NDST3: variants seen among roughly 807,000 people sequenced by gnomAD.
The protein encoded by NDST3 is N-deacetylase and N-sulfotransferase 3, also known as bifunctional heparan sulfate N-deacetylase/N-sulfotransferase 3.
Under a neutral mutation model 96.1 loss-of-function variants are expected in NDST3, and 58 were observed. The observed-to-expected ratio is 0.60, with a 90% confidence interval of 0.49 to 0.75. The LOEUF is 0.75. Among genes scored for constraint, NDST3 ranks in the 30% least tolerant of loss-of-function variants. The probability of loss-of-function intolerance (pLI) is 0.00; values close to 1 mark genes in which losing one functional copy is unlikely to be tolerated. For synonymous variants in NDST3, 333 were observed against 359.7 expected, an observed-to-expected ratio of 0.93 and a Z score of 0.84; for missense variants, 788 against 1,034.2, an observed-to-expected ratio of 0.76 and a Z score of 3.27.
chr4:118,147,792 A>G (rs1030195816), intron 6 of NDST3, among the ~76,000 whole-genome samples: 9 of 152,188 alleles, frequency 5.9e-5, no homozygotes, highest in African/African-American at 2.2e-4. Flanking sequence ...CATATGCACT[A>G]AACAAAAATG....
chr4:118,096,690 G>C (rs1413731131), intron 2 of NDST3, among the ~76,000 whole-genome samples: 1 of 151,438 alleles, frequency 6.6e-6, no homozygotes, highest in African/African-American at 2.4e-5. Flanking sequence ...TAGATAGATA[G>C]ATAGATAGAT....
intron 5 of NDST3, among the ~76,000 whole-genome samples, chr4:118,139,305 G>A (rs1181318022): frequency 1.3e-5 from 2 of 152,172 alleles, no homozygotes; most frequent in Non-Finnish European, 2.9e-5. Flanking sequence ...CATTTCTCCT[G>A]AAAACACATT....
At chr4:118,062,650 C>G (rs2389505) in intron 2 of NDST3, among the ~76,000 whole-genome samples, 129,718 of 152,050 alleles carry the variant, frequency 0.85, 56,877 homozygotes, top group South Asian at 0.96. Context: ...TTTAACATGG[C>G]GAAATCATAA....
At position 118,174,438 on chromosome 4, in the gene NDST3, G is replaced by A. The variant is rs574345126; in HGVS notation, c.1539+30754G>A. On this transcript the variant is annotated intron_variant, in intron 6 of 13. Transcript: ENST00000296499. ...GAAATCAGATCTGATGAACTATATGGAAGTAACACATTATTTTGTTCAAAA... is the reference window on the plus strand; with the variant it reads ...GAAATCAGATCTGATGAACTATATGAAAGTAACACATTATTTTGTTCAAAA... Among the ~76,000 whole-genome samples, 69 of 152,174 alleles carry A rather than the reference G, an allele frequency of 4.5e-4. 2 individuals are homozygous for A. The South Asian group carries it at 0.013, about 30-fold the overall frequency.
At chr4:118,164,883 G>A (rs1735441456) in intron 6 of NDST3, among the ~76,000 whole-genome samples, 1 of 151,980 alleles carries the variant, frequency 6.6e-6, no homozygotes, top group Non-Finnish European at 1.5e-5. Flanking sequence ...ACAACTATAA[G>A]ATGTTTTATG....
At chr4:118,231,972 G>A (rs1006942319) in intron 8 of NDST3, among the ~76,000 whole-genome samples, 2 of 151,888 alleles carry the variant, frequency 1.3e-5, no homozygotes, top group Non-Finnish European at 2.9e-5. Flanking sequence ...ATATATATAC[G>A]TACCTGTGAT....
At chr4:118,149,967 G>C (rs1415025631) in intron 6 of NDST3, among the ~76,000 whole-genome samples, 7 of 106,524 alleles carry the variant, frequency 6.6e-5, no homozygotes, top group African/African-American at 1.7e-4. Context: ...TAGCATGAAG[G>C]GTTGTTGAAT....
intron 8 of NDST3, among the ~76,000 whole-genome samples, chr4:118,231,315 A>T (rs954723394): frequency 2.0e-5 from 3 of 148,982 alleles, no homozygotes; most frequent in Admixed American, 1.4e-4. Context: ...CAGCCTGGGC[A>T]ACAGAGCAAG....
intron 6 of NDST3, among the ~76,000 whole-genome samples, chr4:118,221,107 A>C (rs1021028285): frequency 3.3e-5 from 5 of 151,966 alleles, no homozygotes; most frequent in African/African-American, 1.2e-4. Context: ...TGGTGATCAG[A>C]ATGTTTTAAA....
At chr4:118,231,185 A>C (rs529118094) in intron 8 of NDST3, among the ~76,000 whole-genome samples, 198 of 151,866 alleles carry the variant, frequency 1.3e-3, no homozygotes, top group African/African-American at 4.5e-3. Context: ...AAAATACAAA[A>C]ATTAGCTGGG....
At chr4:118,033,531 C>T (rs1723988256), upstream of NDST3, 2 of 151,828 alleles carry the variant, frequency 1.3e-5, no homozygotes, top group African/African-American at 2.4e-5. Context: ...CGGCTCCCGT[C>T]CTCAGCTCCC....
rs796075813 is a variant in NDST3, at chr4:118,240,743, T to C, written c.2289+49T>C. 2.6e-6 allele frequency: 4 copies of C among 1,522,442 alleles called. No individual in the cohort carries two copies. The African/African-American group carries it at 5.5e-5, about 21-fold the overall frequency. 94.3% of individuals were successfully genotyped at this position (1,522,442 alleles called of 1,614,324 possible). ...TCATGTTAGAATCTCATTAAGTTGATGACTTTGCCTTAAGGTTAAGAAAAT... is the reference window on the plus strand; with the variant it reads ...TCATGTTAGAATCTCATTAAGTTGACGACTTTGCCTTAAGGTTAAGAAAAT... On this transcript the variant is annotated intron_variant, in intron 11 of 13. Transcript: ENST00000296499.
intron 6 of NDST3, among the ~76,000 whole-genome samples, chr4:118,191,425 T>A (rs1434483247): frequency 6.6e-6 from 1 of 152,296 alleles, no homozygotes; most frequent in Admixed American, 6.5e-5. Flanking sequence ...TCCAGTTTGA[T>A]AGGTGGTGAT....
rs973443931 is a variant in NDST3, at chr4:118,205,017, T to A, written c.1540-19474T>A. 6.9e-5 allele frequency among the ~76,000 whole-genome samples: 10 copies of A among 144,748 alleles called. 1 individual carries two copies. Among genetic ancestry groups the A allele is most frequent in the Admixed American group, 2.7e-4 (4 of 14,652 alleles). The allele number at this position is 144,748 out of a possible 152,430, so 95.0% of individuals were successfully genotyped here. A position where few individuals can be genotyped will look rare whatever the true frequency, so the allele number is the denominator to read the frequency against. On this transcript the variant is annotated intron_variant, in intron 6 of 13. Coordinates refer to ENST00000296499, the MANE Select transcript of NDST3 (RefSeq NM_004784.3). ...AAGTTGCTTTTTACTTCATTTTATG[T>A]TAACTCTAAAAAACTGTTAATTGTG...
At chr4:118,073,579 G>C (rs1022241854) in intron 2 of NDST3, among the ~76,000 whole-genome samples, 2 of 151,862 alleles carry the variant, frequency 1.3e-5, no homozygotes, top group Non-Finnish European at 2.9e-5. Context: ...TCCACTTTGT[G>C]ATTTCTGATT....
intron 6 of NDST3, among the ~76,000 whole-genome samples, chr4:118,161,923 G>A (rs904125692): frequency 5.9e-5 from 9 of 152,216 alleles, no homozygotes; most frequent in East Asian, 1.9e-4. Context: ...AGATGAACCC[G>A]GTACCTCAGA....
At chr4:118,035,329 C>A (rs1724084962) in intron 1 of NDST3, among the ~76,000 whole-genome samples, 1 of 151,804 alleles carries the variant, frequency 6.6e-6, no homozygotes, top group Admixed American at 6.6e-5. Context: ...TAGAAGAAAA[C>A]CCTTCTAGAC....
intron 2 of NDST3, among the ~76,000 whole-genome samples, chr4:118,080,702 GCA>G: frequency 6.6e-6 from 1 of 152,008 alleles, no homozygotes; most frequent in South Asian, 2.1e-4. Flanking sequence ...ACTCTTCCTA[GCA>G]CAGAGTAATA....
chr4:118,221,829 G>C (rs2125992783), intron 6 of NDST3, among the ~76,000 whole-genome samples: 1 of 152,050 alleles, frequency 6.6e-6, no homozygotes, highest in East Asian at 1.9e-4. Flanking sequence ...AATGATGTGA[G>C]TTTTAAGCAG....
Sources: gnomAD v4.1 joint callset for allele counts (sites outside exome capture counted in the v4.1 genomes callset) on GRCh38, gnomAD v4.1.1 for gene constraint, MANE v1.5 for transcripts, NCBI Gene and HGNC (gene_info 2026-07-23, HGNC 2026-07-21) for gene names.